The following ZBTB16 variants were observed in gnomAD, a reference collection of about 807,000 sequenced individuals.
ZBTB16 encodes zinc finger and BTB domain containing 16.
A neutral mutation model predicts 56.8 loss-of-function variants in ZBTB16; 8 were observed. The observed-to-expected ratio is 0.14, with a 90% CI of 0.08 to 0.25. The LOEUF (loss-of-function observed/expected upper bound fraction) is 0.25. Among genes scored for constraint, ZBTB16 ranks in the 10% least tolerant of loss-of-function variants. ZBTB16 has a pLI of 1.00. For missense variants in ZBTB16, 625 were observed against 903.0 expected, an observed-to-expected ratio of 0.69 and a Z score of 3.95; for synonymous variants, 363 against 368.5, an observed-to-expected ratio of 0.98 and a Z score of 0.17.
At chr11:114,082,498 GC>G (rs1939803319) in intron 2 of ZBTB16, among the ~76,000 whole-genome samples, 1 of 152,186 alleles carries the variant, frequency 6.6e-6, no homozygotes, top group East Asian at 1.9e-4. Flanking sequence ...GAGAGTTGGA[GC>G]CTTGGAAGGC....
intron 3 of ZBTB16, among the ~76,000 whole-genome samples, chr11:114,168,798 C>T (rs1942869166): frequency 6.6e-6 from 1 of 152,178 alleles, no homozygotes; most frequent in African/African-American, 2.4e-5. Flanking sequence ...GCCCAAGGGT[C>T]CTGGGGGTGG....
chr11:114,153,299 A>G (rs1197378188), intron 2 of ZBTB16, among the ~76,000 whole-genome samples: 3 of 152,134 alleles, frequency 2.0e-5, no homozygotes, highest in African/African-American at 4.8e-5. Context: ...AATGAACTTT[A>G]TGTGCTTTGC....
chr11:114,082,015 C>T (rs1006072715), intron 2 of ZBTB16, among the ~76,000 whole-genome samples: 2 of 151,426 alleles, frequency 1.3e-5, no homozygotes, highest in Non-Finnish European at 2.9e-5. Context: ...GGTGCAGTGG[C>T]TCACACCTGT....
chr11:114,119,465 A>G (rs1941281320), intron 2 of ZBTB16, among the ~76,000 whole-genome samples: 1 of 151,828 alleles, frequency 6.6e-6, no homozygotes, highest in Admixed American at 6.6e-5. Flanking sequence ...TCCCACCAGG[A>G]GCTCTCTAAT....
At chr11:114,124,232 C>A (rs191389155) in intron 2 of ZBTB16, among the ~76,000 whole-genome samples, 71 of 152,138 alleles carry the variant, frequency 4.7e-4, no homozygotes, top group African/African-American at 1.6e-3. Flanking sequence ...AAACAGCCTT[C>A]TTTATTTTTT....
intron 4 of ZBTB16, among the ~76,000 whole-genome samples, chr11:114,233,037 G>A (rs674864): frequency 6.1e-5 from 8 of 130,444 alleles, no homozygotes; most frequent in Non-Finnish European, 1.3e-4. Flanking sequence ...ACTCATCCCC[G>A]GCCCCACCCA....
chr11:114,101,618 C>G lies in ZBTB16; in HGVS notation c.1268+37050C>G, dbSNP rs139846304. Among the ~76,000 whole-genome samples, 63 of 152,238 alleles carry G rather than the reference C, an allele frequency of 4.1e-4. 1 individual carries two copies. The East Asian group carries it at 0.011, about 26-fold the overall frequency. Reference sequence around the variant, plus strand: ...CACTTTTAAAATTTTGTGTCCTTAGCCCCATAAACATTTTGAGATTCAGTT... The same window carrying G: ...CACTTTTAAAATTTTGTGTCCTTAGGCCCATAAACATTTTGAGATTCAGTT... On this transcript the variant is annotated intron_variant, in intron 2 of 6. Coordinates refer to ENST00000335953, the MANE Select transcript of ZBTB16 (RefSeq NM_006006.6).
intron 2 of ZBTB16, among the ~76,000 whole-genome samples, chr11:114,088,723 A>G (rs1213645541): frequency 6.6e-6 from 1 of 152,250 alleles, no homozygotes; most frequent in Admixed American, 6.5e-5. Flanking sequence ...ACTGGTGGGG[A>G]AGGGCCCCAG....
chr11:114,234,953 G>T (rs181574481), intron 4 of ZBTB16, among the ~76,000 whole-genome samples: 1 of 151,936 alleles, frequency 6.6e-6, no homozygotes, highest in African/African-American at 2.4e-5. Flanking sequence ...GTGTGGTCAC[G>T]AAGGTTGCCC....
intron 2 of ZBTB16, among the ~76,000 whole-genome samples, chr11:114,155,097 C>T (rs1160769678): frequency 2.0e-5 from 3 of 152,336 alleles, no homozygotes; most frequent in African/African-American, 7.2e-5. Flanking sequence ...TCAGTACCAG[C>T]TCTCCAGCCT....
chr11:114,181,824 G>T (rs188705624), intron 3 of ZBTB16, among the ~76,000 whole-genome samples: 2 of 152,078 alleles, frequency 1.3e-5, no homozygotes, highest in South Asian at 4.2e-4. Context: ...TTTCTTTCCC[G>T]CAATCTATCC....
At chr11:114,202,684 G>A (rs1261345927) in intron 4 of ZBTB16, among the ~76,000 whole-genome samples, 3 of 152,192 alleles carry the variant, frequency 2.0e-5, no homozygotes, top group African/African-American at 7.2e-5. Flanking sequence ...CTGCAGTGAA[G>A]ATTCCTGCTT....
chr11:114,159,695 C>T (rs1322313045), intron 3 of ZBTB16, among the ~76,000 whole-genome samples: 1 of 152,088 alleles, frequency 6.6e-6, no homozygotes, highest in Non-Finnish European at 1.5e-5. Context: ...TTACAGATTC[C>T]AGTAGTGGTT....
intron 4 of ZBTB16, among the ~76,000 whole-genome samples, chr11:114,210,203 G>GCGCA (rs1434846451): frequency 7.9e-5 from 12 of 151,798 alleles, no homozygotes; most frequent in Middle Eastern, 3.4e-3. Flanking sequence ...GCGTGCGCGC[G>GCGCA]CGTGCACAGT....
chr11:114,214,057 G>T (rs1398868400), intron 4 of ZBTB16, among the ~76,000 whole-genome samples: 1 of 152,220 alleles, frequency 6.6e-6, no homozygotes, highest in African/African-American at 2.4e-5. Context: ...ATCAGCCAGA[G>T]ACCAGCAAAA....
chr11:114,235,629 CCTTTCTTT>C (rs746433237), intron 4 of ZBTB16, among the ~76,000 whole-genome samples: 70 of 97,854 alleles, frequency 7.2e-4, no homozygotes, highest in African/African-American at 2.1e-3. Context: ...CCTCTCCCTT[CCTTTCTTT>C]CTTTCTTTCT....
rs1330191733 is a variant in ZBTB16, at chr11:114,233,065, ATGCG to A, written c.1454-9101_1454-9098del. ...CCCACCCACTCTACTGCACATACGC[ATGCG>A]CGCGCGCGCGCGCACACACACACAC... On this transcript the variant is annotated intron_variant, in intron 4 of 6. Transcript: ENST00000335953. Among the ~76,000 whole-genome samples the A allele has an allele frequency of 5.7e-4, 33 of 57,684 alleles. 1 individual carries two copies. Among genetic ancestry groups the A allele is most frequent in the South Asian group, 1.9e-3 (2 of 1,062 alleles). The allele number at this position is 57,684 out of a possible 152,430, so 37.8% of individuals were successfully genotyped here.
intron 2 of ZBTB16, among the ~76,000 whole-genome samples, chr11:114,110,345 C>T (rs988930639): frequency 6.6e-6 from 1 of 152,204 alleles, no homozygotes; most frequent in African/African-American, 2.4e-5. Flanking sequence ...AGGGAAGTTA[C>T]TGTTACTAAT....
In ZBTB16 at chr11:114,252,595, C is replaced by T. The variant is rs975216436; in HGVS notation, c.*2040C>T. On this transcript the variant is annotated 3_prime_UTR_variant, in exon 7 of 7. Coordinates refer to ENST00000335953, the MANE Select transcript of ZBTB16 (RefSeq NM_006006.6). ...CGTGTTTGCTTTGGGACGGACCCTC[C>T]GTTTCATCTCATGCTTTATGTGTAA... Among the ~76,000 whole-genome samples the T allele has an allele frequency of 2.6e-5, 4 of 152,148 alleles. No homozygotes were observed. The highest frequency in any genetic ancestry group is 7.2e-5 in the African/African-American group (3 of 41,498).
Sources: gnomAD v4.1 joint callset for allele counts (sites outside exome capture counted in the v4.1 genomes callset) on GRCh38, gnomAD v4.1.1 for gene constraint, MANE v1.5 for transcripts, NCBI Gene and HGNC (gene_info 2026-07-23, HGNC 2026-07-21) for gene names.